The following POFUT3 variants were observed in gnomAD, a reference collection of about 807,000 sequenced individuals.
The protein encoded by POFUT3 is GDP-fucose protein O-fucosyltransferase 3.
the POFUT3 span, among the ~76,000 whole-genome samples, chr8:33,373,851 A>C: frequency 6.6e-6 from 1 of 152,204 alleles, no homozygotes; most frequent in Non-Finnish European, 1.5e-5. Flanking sequence ...GAAGAGTAAC[A>C]AAACATAGAA....
chr8:33,401,901 G>A, the POFUT3 span, among the ~76,000 whole-genome samples: 4 of 152,018 alleles, frequency 2.6e-5, 1 homozygote, highest in African/African-American at 9.7e-5. Flanking sequence ...GGTGGCACAC[G>A]TCTGTAGTCC....
chr8:33,452,249 T>C, the POFUT3 span: 18 of 152,206 alleles, frequency 1.2e-4, no homozygotes, highest in African/African-American at 4.1e-4. Context: ...CAATGTAGAG[T>C]AGTGTTATAT....
At chr8:33,383,771 C>A in the POFUT3 span, among the ~76,000 whole-genome samples, 1 of 143,082 alleles carries the variant, frequency 7.0e-6, no homozygotes, top group Non-Finnish European at 1.5e-5. Context: ...TGCACTCCAG[C>A]CTGGGTGACA....
At chr8:33,413,348 GCTCA>G in the POFUT3 span, among the ~76,000 whole-genome samples, 1 of 151,826 alleles carries the variant, frequency 6.6e-6, no homozygotes, top group African/African-American at 2.4e-5. Flanking sequence ...TCACTTGCTT[GCTCA>G]CTCACTCTCT....
chr8:33,316,677 G>A, the POFUT3 span, among the ~76,000 whole-genome samples: 2 of 151,714 alleles, frequency 1.3e-5, no homozygotes, highest in East Asian at 3.9e-4. Flanking sequence ...AGGAGGTGGA[G>A]GTTGCAATGA....
the POFUT3 span, among the ~76,000 whole-genome samples, chr8:33,416,464 C>T: frequency 1.6e-4 from 24 of 152,188 alleles, no homozygotes; most frequent in African/African-American, 4.8e-4. Flanking sequence ...GTAATCCCAG[C>T]GCTCTGGGAG....
chr8:33,352,692 A>T, the POFUT3 span, among the ~76,000 whole-genome samples: 2 of 152,250 alleles, frequency 1.3e-5, no homozygotes, highest in Admixed American at 1.3e-4. Context: ...ACAAAGGGAC[A>T]CGAATGGACA....
the POFUT3 span, among the ~76,000 whole-genome samples, chr8:33,415,750 T>C: frequency 0.31 from 46,827 of 152,044 alleles, 7,349 homozygotes; most frequent in South Asian, 0.44. Flanking sequence ...GTATTAACAG[T>C]CAGGCTTATG....
chr8:33,469,554 G>A, the POFUT3 span, among the ~76,000 whole-genome samples: 1 of 152,156 alleles, frequency 6.6e-6, no homozygotes, highest in Admixed American at 6.5e-5. Flanking sequence ...AATGGGGAAA[G>A]AGGTGTAGCC....
chr8:33,352,774 A>G, the POFUT3 span, among the ~76,000 whole-genome samples: 2 of 152,224 alleles, frequency 1.3e-5, no homozygotes, highest in Admixed American at 1.3e-4. Context: ...CTCACTTTGA[A>G]TGTCGGGACT....
the POFUT3 span, among the ~76,000 whole-genome samples, chr8:33,384,142 T>G: frequency 6.6e-6 from 1 of 151,998 alleles, no homozygotes; most frequent in South Asian, 2.1e-4. Context: ...AGGTAGGTAT[T>G]ATGAGTTATT....
the POFUT3 span, among the ~76,000 whole-genome samples, chr8:33,318,240 G>C: frequency 6.6e-6 from 1 of 151,464 alleles, no homozygotes; most frequent in South Asian, 2.1e-4. Flanking sequence ...AGTTTAAACT[G>C]CTCCACAATA....
At chr8:33,375,551 G>C in the POFUT3 span, among the ~76,000 whole-genome samples, 1 of 151,986 alleles carries the variant, frequency 6.6e-6, no homozygotes, top group Non-Finnish European at 1.5e-5. Context: ...CAGGTACATG[G>C]AAAAATAATC....
chr8:33,341,782 G>C, the POFUT3 span, among the ~76,000 whole-genome samples: 1 of 152,186 alleles, frequency 6.6e-6, no homozygotes, highest in Non-Finnish European at 1.5e-5. Flanking sequence ...AATTAGGCCA[G>C]GCTTGGTGGC....
At chr8:33,308,583 T>G in the POFUT3 span, among the ~76,000 whole-genome samples, 1 of 152,164 alleles carries the variant, frequency 6.6e-6, no homozygotes, top group Non-Finnish European at 1.5e-5. Context: ...CAATTGAACA[T>G]GGACACAAAC....
At chr8:33,453,968 GA>G in the POFUT3 span, among the ~76,000 whole-genome samples, 12 of 150,986 alleles carry the variant, frequency 7.9e-5, no homozygotes, top group African/African-American at 2.4e-4. Flanking sequence ...AAAAAGAAAA[GA>G]AAAAAAAATT....
At chr8:33,338,533 A>C in the POFUT3 span, among the ~76,000 whole-genome samples, 1 of 152,160 alleles carries the variant, frequency 6.6e-6, no homozygotes, top group Admixed American at 6.6e-5. Context: ...GTGGACTTCC[A>C]CTTCTATAGG....
chr8:33,441,306 G>A, the POFUT3 span, among the ~76,000 whole-genome samples: 3 of 135,464 alleles, frequency 2.2e-5, no homozygotes, highest in African/African-American at 5.5e-5. Context: ...ACTCCAGCCT[G>A]GACAACAGAG....
At chr8:33,383,023 C>T in the POFUT3 span, among the ~76,000 whole-genome samples, 4 of 152,166 alleles carry the variant, frequency 2.6e-5, no homozygotes, top group African/African-American at 4.8e-5. Flanking sequence ...TTTTGGACTA[C>T]GGAGAAAGCA....
Sources: gnomAD v4.1 joint callset for allele counts (sites outside exome capture counted in the v4.1 genomes callset) on GRCh38, gnomAD v4.1.1 for gene constraint, MANE v1.5 for transcripts, NCBI Gene and HGNC (gene_info 2026-07-23, HGNC 2026-07-21) for gene names.